FGF14: variants seen among roughly 807,000 people sequenced by gnomAD.
The protein encoded by FGF14 is fibroblast growth factor homologous factor 4.
FGF14 carries 5 observed loss-of-function variants against 25.5 expected under a neutral mutation model. The ratio of observed to expected loss-of-function variants is 0.20; its 90% CI spans 0.10 to 0.41. The LOEUF (loss-of-function observed/expected upper bound fraction) is 0.41. FGF14 is among the 10% of genes least tolerant of loss of function. The pLI is 1.00. For missense variants in FGF14, 222 were observed against 320.1 expected, an observed-to-expected ratio of 0.69 and a Z score of 2.34; for synonymous variants, 138 against 118.3, an observed-to-expected ratio of 1.17 and a Z score of -1.08.
chr13:102,285,330 C>G (rs2062185239), intron 1 of FGF14, among the ~76,000 whole-genome samples: 1 of 152,094 alleles, frequency 6.6e-6, no homozygotes, highest in African/African-American at 2.4e-5. Context: ...TTTCTGGTAG[C>G]TATTTTTCTG....
chr13:102,349,773 T>C (rs2057219905), intron 1 of FGF14, among the ~76,000 whole-genome samples: 1 of 152,224 alleles, frequency 6.6e-6, no homozygotes, highest in Non-Finnish European at 1.5e-5. Flanking sequence ...TGGGTTTAGG[T>C]TAAAGTAGGA....
At chr13:101,916,302 G>T in intron 1 of FGF14, 151 bp downstream of exon 1, 1 of 935,868 alleles carries the variant, frequency 1.1e-6, no homozygotes, top group Non-Finnish European at 1.7e-6. Context: ...CGGACTCCAG[G>T]GTCCCCGCGA....
intron 1 of FGF14, among the ~76,000 whole-genome samples, chr13:102,307,896 A>T (rs888064529): frequency 6.6e-6 from 1 of 152,120 alleles, no homozygotes; most frequent in Non-Finnish European, 1.5e-5. Context: ...AGTACCTCCC[A>T]TTCACTAGTG....
chr13:101,923,723 G>C (rs1290104117), intron 1 of FGF14, among the ~76,000 whole-genome samples: 4 of 151,922 alleles, frequency 2.6e-5, no homozygotes, highest in Non-Finnish European at 5.9e-5. Flanking sequence ...AATTTTGCTG[G>C]ATATATTTAT....
chr13:102,037,746 G>A (rs749508738), intron 1 of FGF14, among the ~76,000 whole-genome samples: 4 of 152,116 alleles, frequency 2.6e-5, no homozygotes, highest in Non-Finnish European at 4.4e-5. Context: ...AAAATCAGTT[G>A]CACATTAACC....
chr13:102,049,994 G>A (rs2042151441), intron 1 of FGF14, among the ~76,000 whole-genome samples: 1 of 152,260 alleles, frequency 6.6e-6, no homozygotes, highest in Non-Finnish European at 1.5e-5. Context: ...CAACCAGTTT[G>A]GGACACTTTG....
intron 3 of FGF14, among the ~76,000 whole-genome samples, chr13:101,762,853 C>T (rs1407155158): frequency 6.6e-6 from 1 of 152,150 alleles, no homozygotes. Flanking sequence ...CCCATGGTGT[C>T]ACATTTTTCC....
intron 1 of FGF14, chr13:102,294,046 A>G (rs549602424): frequency 2.6e-5 from 4 of 152,286 alleles, no homozygotes; most frequent in South Asian, 4.1e-4. Flanking sequence ...GAAATCTGAA[A>G]TATGAAAAAA....
At chr13:102,060,044 C>T (rs2042609917) in intron 1 of FGF14, among the ~76,000 whole-genome samples, 1 of 152,014 alleles carries the variant, frequency 6.6e-6, no homozygotes, top group African/African-American at 2.4e-5. Context: ...TTTTTGAGTG[C>T]CAGCATAACA....
chr13:102,076,215 G>T (rs1485498815), intron 1 of FGF14, among the ~76,000 whole-genome samples: 1 of 152,096 alleles, frequency 6.6e-6, no homozygotes, highest in African/African-American at 2.4e-5. Flanking sequence ...TTCCAGTCTT[G>T]CAAGCCCCGT....
intron 1 of FGF14, among the ~76,000 whole-genome samples, chr13:101,902,083 A>G (rs932726472): frequency 5.9e-5 from 9 of 152,262 alleles, no homozygotes; most frequent in Middle Eastern, 6.8e-3. Context: ...CCATAGGAAT[A>G]TCTCAGTTTT....
intron 1 of FGF14, among the ~76,000 whole-genome samples, chr13:101,964,500 T>G (rs17502999): frequency 0.071 from 10,775 of 152,202 alleles, 463 homozygotes; most frequent in Middle Eastern, 0.092. Context: ...CTTGTGACAT[T>G]GCCTGACACC....
At chr13:102,007,146 C>T (rs2039849857) in intron 1 of FGF14, among the ~76,000 whole-genome samples, 1 of 152,168 alleles carries the variant, frequency 6.6e-6, no homozygotes, top group Admixed American at 6.5e-5. Context: ...AAGTTTTAAA[C>T]TGTAATCCCC....
intron 1 of FGF14, among the ~76,000 whole-genome samples, chr13:102,114,787 T>C (rs1002009808): frequency 4.6e-5 from 7 of 152,060 alleles, no homozygotes; most frequent in Middle Eastern, 3.4e-3. Context: ...GTCAAATTCA[T>C]AGAATCAGGG....
At position 101,752,745 on chromosome 13, in the gene FGF14, T is replaced by C. The variant is rs541900336; in HGVS notation, c.409-25935A>G. Among the ~76,000 whole-genome samples the C allele has an allele frequency of 9.2e-5, 14 of 152,308 alleles. No homozygotes were observed. In the South Asian group the frequency reaches 2.7e-3, roughly 29 times the overall value. ...TTTTCCCTTCTGCCATTCTAAGTTA[T>C]TGATGACGTTCTCGCACATAATGGT... On this transcript the variant is annotated intron_variant, in intron 3 of 4. Coordinates refer to ENST00000376143, the MANE Select transcript of FGF14 (RefSeq NM_004115.4).
chr13:102,329,238 T>A (rs1168227889), intron 1 of FGF14, among the ~76,000 whole-genome samples: 4 of 152,210 alleles, frequency 2.6e-5, no homozygotes, highest in Admixed American at 6.5e-5. Flanking sequence ...TCTCTGACTC[T>A]ACCCTTCAGC....
chr13:102,166,321 G>T, intron 1 of FGF14, among the ~76,000 whole-genome samples: 1 of 151,472 alleles, frequency 6.6e-6, no homozygotes. Context: ...ATTTCGTAAA[G>T]TAATCTATTA....
intron 3 of FGF14, among the ~76,000 whole-genome samples, chr13:101,812,331 G>A (rs2041556925): frequency 6.6e-6 from 1 of 151,856 alleles, no homozygotes; most frequent in South Asian, 2.1e-4. Context: ...AGGGTACAGA[G>A]GAAATGCAAA....
intron 4 of FGF14, among the ~76,000 whole-genome samples, chr13:101,723,575 A>G (rs779214336): frequency 1.3e-5 from 2 of 152,062 alleles, no homozygotes; most frequent in Non-Finnish European, 2.9e-5. Context: ...CATTTCCTAC[A>G]ATCATGGAAA....
Sources: gnomAD v4.1 joint callset for allele counts (sites outside exome capture counted in the v4.1 genomes callset) on GRCh38, gnomAD v4.1.1 for gene constraint, MANE v1.5 for transcripts, NCBI Gene and HGNC (gene_info 2026-07-23, HGNC 2026-07-21) for gene names.